MBD5: variants seen among roughly 807,000 people sequenced by gnomAD.
MBD5 encodes the protein methyl-CpG binding domain protein 5, also known as methyl-CpG-binding domain protein 5.
Under a neutral mutation model 117.3 loss-of-function variants are expected in MBD5, and 13 were observed. The observed-to-expected ratio is 0.11, with a 90% CI of 0.07 to 0.18. The LOEUF is 0.18. MBD5 is among the 10% of genes least tolerant of loss of function. The probability of loss-of-function intolerance (pLI) is 1.00; values close to 1 mark genes in which losing one functional copy is unlikely to be tolerated. For missense variants in MBD5, 1,879 were observed against 2,093.8 expected, an observed-to-expected ratio of 0.90 and a Z score of 2.00; for synonymous variants, 727 against 766.4, an observed-to-expected ratio of 0.95 and a Z score of 0.85.
At chr2:148,413,475 T>C (rs1384034575) in intron 4 of MBD5, among the ~76,000 whole-genome samples, 1 of 151,330 alleles carries the variant, frequency 6.6e-6, no homozygotes, top group African/African-American at 2.4e-5. Flanking sequence ...GCCGGCTTCA[T>C]AGAGTGAATT....
At chr2:148,321,217 C>A (rs1702274168) in intron 3 of MBD5, among the ~76,000 whole-genome samples, 1 of 152,076 alleles carries the variant, frequency 6.6e-6, no homozygotes, top group Non-Finnish European at 1.5e-5. Context: ...CCAAGGGTGT[C>A]CAATCTCTTT....
intron 4 of MBD5, among the ~76,000 whole-genome samples, chr2:148,443,868 T>C (rs1706408494): frequency 6.6e-6 from 1 of 151,244 alleles, no homozygotes; most frequent in Non-Finnish European, 1.5e-5. Context: ...AATAATTTAA[T>C]TGTACATTTT....
chr2:148,144,169 G>A (rs1374565454), intron 1 of MBD5, among the ~76,000 whole-genome samples: 1 of 151,818 alleles, frequency 6.6e-6, no homozygotes, highest in Non-Finnish European at 1.5e-5. Flanking sequence ...TCTCATTGTG[G>A]TTTTGATTTG....
intron 3 of MBD5, among the ~76,000 whole-genome samples, chr2:148,341,067 A>G (rs1169187100): frequency 1.3e-5 from 2 of 151,956 alleles, no homozygotes; most frequent in African/African-American, 2.4e-5. Flanking sequence ...GTGAGACCCC[A>G]CTTGAAAGTA....
At chr2:148,431,620 T>C (rs1309740612) in intron 4 of MBD5, among the ~76,000 whole-genome samples, 1 of 152,216 alleles carries the variant, frequency 6.6e-6, no homozygotes, top group Non-Finnish European at 1.5e-5. Context: ...CTTGCACTTA[T>C]AAGTGAGAAC....
intron 4 of MBD5, among the ~76,000 whole-genome samples, chr2:148,438,296 G>A (rs1335331680): frequency 6.6e-6 from 1 of 152,182 alleles, no homozygotes; most frequent in African/African-American, 2.4e-5. Context: ...CACTGCACTT[G>A]TATTTGGAGA....
chr2:148,361,337 G>A (rs561418896), intron 4 of MBD5, among the ~76,000 whole-genome samples: 1 of 151,714 alleles, frequency 6.6e-6, no homozygotes, highest in African/African-American at 2.4e-5. Context: ...GTGACAGAGT[G>A]AGACTCTGTC....
chr2:148,424,038 C>T (rs1258531461), intron 4 of MBD5, among the ~76,000 whole-genome samples: 1 of 151,498 alleles, frequency 6.6e-6, no homozygotes, highest in Non-Finnish European at 1.5e-5. Context: ...ATTACCCATG[C>T]ATGGTGGCAG....
At chr2:148,040,645 T>G (rs929831121) in intron 1 of MBD5, among the ~76,000 whole-genome samples, 5 of 152,234 alleles carry the variant, frequency 3.3e-5, no homozygotes, top group Non-Finnish European at 7.3e-5. Flanking sequence ...CTCCCAATTT[T>G]GATAACAAAC....
At chr2:148,177,309 A>G (rs1558959848) in intron 1 of MBD5, among the ~76,000 whole-genome samples, 2 of 152,198 alleles carry the variant, frequency 1.3e-5, no homozygotes, top group Admixed American at 6.5e-5. Flanking sequence ...AGATGCCTGT[A>G]AAGAATAGAG....
chr2:148,440,588 CA>C (rs1706288865), intron 4 of MBD5, among the ~76,000 whole-genome samples: 1 of 150,878 alleles, frequency 6.6e-6, no homozygotes, highest in Non-Finnish European at 1.5e-5. Flanking sequence ...GTAAAAAAAG[CA>C]AGTTTTTTAG....
chr2:148,162,320 T>A (rs971828613), intron 1 of MBD5, among the ~76,000 whole-genome samples: 1 of 152,094 alleles, frequency 6.6e-6, no homozygotes. Flanking sequence ...ACTGAGACCC[T>A]CCCAAATAAC....
intron 7 of MBD5, among the ~76,000 whole-genome samples, chr2:148,465,501 G>C (rs1374100831): frequency 6.6e-6 from 1 of 152,086 alleles, no homozygotes; most frequent in Non-Finnish European, 1.5e-5. Context: ...ACTTTCCCAT[G>C]GAACTCTGAA....
chr2:148,335,461 G>A (rs1278295847), intron 3 of MBD5, among the ~76,000 whole-genome samples: 1 of 152,176 alleles, frequency 6.6e-6, no homozygotes, highest in East Asian at 1.9e-4. Context: ...GCTCACACCT[G>A]TAATCCTAGC....
chr2:148,134,790 A>G (rs1697136036), intron 1 of MBD5, among the ~76,000 whole-genome samples: 1 of 152,206 alleles, frequency 6.6e-6, no homozygotes, highest in East Asian at 1.9e-4. Flanking sequence ...ACCCAGTCAC[A>G]ATTCTTATCC....
chr2:148,076,602 T>TAGGG (rs1254991026), intron 1 of MBD5, among the ~76,000 whole-genome samples: 3 of 152,220 alleles, frequency 2.0e-5, no homozygotes, highest in Non-Finnish European at 4.4e-5. Context: ...GCTGTGAAGT[T>TAGGG]AGTCTTCTAG....
intron 3 of MBD5, chr2:148,265,012 C>G (rs1182447858): frequency 6.6e-6 from 1 of 152,036 alleles, no homozygotes; most frequent in Non-Finnish European, 1.5e-5. Flanking sequence ...TGTTCAGACA[C>G]TGGGCAGCCA....
chr2:148,363,074 C>G (rs569512457), intron 4 of MBD5, among the ~76,000 whole-genome samples: 5 of 152,212 alleles, frequency 3.3e-5, no homozygotes, highest in Non-Finnish European at 5.9e-5. Flanking sequence ...CCCAGAATGC[C>G]TCTTCTCCTC....
chr2:148,294,501 GTTTTTTTT>G (rs58961481), intron 3 of MBD5, among the ~76,000 whole-genome samples: 1 of 113,216 alleles, frequency 8.8e-6, no homozygotes, highest in Non-Finnish European at 1.8e-5. Context: ...TGGGATTACA[GTTTTTTTT>G]TTTTTTTTTT....
Sources: allele counts gnomAD v4.1 joint callset (sites outside exome capture counted in the v4.1 genomes callset), GRCh38; gene constraint gnomAD v4.1.1; transcripts MANE v1.5; gene names NCBI Gene and HGNC (gene_info 2026-07-23, HGNC 2026-07-21).